The following TRIM4 variants were observed in gnomAD, a reference collection of about 807,000 sequenced individuals.
TRIM4 encodes the protein tripartite motif containing 4, also known as E3 ubiquitin-protein ligase TRIM4.
In TRIM4, 29 loss-of-function variants were observed where a neutral mutation model predicts 33.7. The observed-to-expected ratio is 0.86, with a 90% CI of 0.64 to 1.17. The LOEUF (loss-of-function observed/expected upper bound fraction) is 1.17. Among genes scored for constraint, TRIM4 ranks in the 50% most tolerant of loss-of-function variants. The pLI is 0.00. For synonymous variants in TRIM4, 224 were observed against 233.0 expected, an observed-to-expected ratio of 0.96 and a Z score of 0.35; for missense variants, 554 against 593.7, an observed-to-expected ratio of 0.93 and a Z score of 0.69.
At chr7:99,906,790 G>A (rs1819316789) in intron 3 of TRIM4, among the ~76,000 whole-genome samples, 1 of 152,058 alleles carries the variant, frequency 6.6e-6, no homozygotes, top group African/African-American at 2.4e-5. Context: ...AGGGTGCAGT[G>A]AGCTATGAGC....
At chr7:99,902,014 C>A in intron 5 of TRIM4, 1 of 698,544 alleles carries the variant, frequency 1.4e-6, no homozygotes, top group Non-Finnish European at 2.6e-6. Context: ...CTTACATGGT[C>A]TGGAAACTCC....
At chr7:99,908,397 C>A in intron 3 of TRIM4, 185 bp downstream of exon 3, 1 of 572,704 alleles carries the variant, frequency 1.7e-6, no homozygotes, top group South Asian at 2.5e-5. Context: ...CTCAGCATAC[C>A]TACATTTCAC....
At chr7:99,896,138 C>G (rs1819011662) in intron 5 of TRIM4, among the ~76,000 whole-genome samples, 1 of 152,044 alleles carries the variant, frequency 6.6e-6, no homozygotes, top group South Asian at 2.1e-4. Context: ...CACTTTATTT[C>G]CTTTTATTGA....
At chr7:99,899,771 C>T (rs886246292) in intron 5 of TRIM4, among the ~76,000 whole-genome samples, 4 of 152,066 alleles carry the variant, frequency 2.6e-5, no homozygotes, top group African/African-American at 9.7e-5. Context: ...TGTGCGCACA[C>T]GTGCATGCAT....
In TRIM4 at chr7:99,913,512, C is replaced by CA. The variant is rs921717475; in HGVS notation, c.394-3853dup. ...TGAAACCCCGTCTTTACTAAAAATA[C>CA]AAAAAAAAATTAGCCGGGCATGGTG... On this transcript the variant is annotated intron_variant, in intron 1 of 5. Transcript: ENST00000349062. Among the ~76,000 whole-genome samples, 568 of 150,252 alleles carry CA rather than the reference C, an allele frequency of 3.8e-3. 3 individuals carry two copies. Among genetic ancestry groups the CA allele is most frequent in the African/African-American group, 0.013 (544 of 40,992 alleles).
intron 5 of TRIM4, among the ~76,000 whole-genome samples, chr7:99,893,431 G>C (rs1171749142): frequency 2.0e-5 from 3 of 152,172 alleles, no homozygotes; most frequent in Non-Finnish European, 4.4e-5. Context: ...GATACACACA[G>C]GTGTCACATA....
At position 99,894,669 on chromosome 7, in the gene TRIM4, C is replaced by A. The variant is rs563783014; in HGVS notation, c.842-1923G>T. ...GCAACAGACCAAGACTCCATCCCCC[C>A]CCCAAAAAAAAAAAGAAAAGAAAAG... is the stretch of plus-strand genomic sequence containing the variant. On this transcript the variant is annotated intron_variant, in intron 5 of 5. Transcript: ENST00000349062. Among the ~76,000 whole-genome samples, 484 of 148,420 alleles carry A rather than the reference C, an allele frequency of 3.3e-3. 6 individuals carry two copies. Among genetic ancestry groups the A allele is most frequent in the Non-Finnish European group, 2.1e-3 (142 of 66,576 alleles).
chr7:99,911,240 C>G (rs915359704), intron 1 of TRIM4, among the ~76,000 whole-genome samples: 3 of 152,054 alleles, frequency 2.0e-5, no homozygotes, highest in African/African-American at 7.2e-5. Context: ...AGGATCAAGG[C>G]TAGAACTGGC....
intron 1 of TRIM4, among the ~76,000 whole-genome samples, chr7:99,911,101 T>A (rs191873639): frequency 6.6e-6 from 1 of 152,078 alleles, no homozygotes. Flanking sequence ...GACATCCAAG[T>A]GGATATGTTA....
chr7:99,917,821 G>C (rs1007729966), intron 1 of TRIM4: 6 of 985,290 alleles, frequency 6.1e-6, no homozygotes, highest in Non-Finnish European at 7.2e-6. Flanking sequence ...TCAGTAATGG[G>C]AGGGGGTGGG....
chr7:99,890,767 G>T lies in TRIM4; in HGVS notation c.*1396C>A, dbSNP rs1818876054. 1 of 152,066 alleles carries T rather than the reference G, an allele frequency of 6.6e-6. No homozygotes were observed. The highest frequency in any genetic ancestry group is 2.1e-4 in the South Asian group (1 of 4,822). 9.4% of individuals were successfully genotyped at this position (152,066 alleles called of 1,614,324 possible). The stretch of plus-strand genomic sequence containing the variant: ...GGGGTATCAAAAAAGTATCTATTGG[G>T]TACTATGCTTATTACCTGGGTAATG... On this transcript the variant is annotated 3_prime_UTR_variant, in exon 6 of 6. Transcript: ENST00000349062.
intron 1 of TRIM4, among the ~76,000 whole-genome samples, chr7:99,913,503 C>G (rs1819489299): frequency 6.6e-6 from 1 of 151,750 alleles, no homozygotes; most frequent in Non-Finnish European, 1.5e-5. Context: ...CCCGTCTTTA[C>G]TAAAAATACA....
chr7:99,898,628 TG>T (rs1563084074), intron 5 of TRIM4, among the ~76,000 whole-genome samples: 1 of 152,202 alleles, frequency 6.6e-6, no homozygotes, highest in Admixed American at 6.5e-5. Flanking sequence ...TCCAGAAGTG[TG>T]CATTCTGGAG....
chr7:99,908,493 C>A, intron 3 of TRIM4, 89 bp downstream of exon 3: 1 of 1,046,758 alleles, frequency 9.6e-7, no homozygotes, highest in Non-Finnish European at 1.4e-6. Context: ...GTCTATGAAA[C>A]CCACTCACCA....
At chr7:99,918,879 T>C (rs1363592372) in intron 1 of TRIM4, 130 bp downstream of exon 1, 2 of 1,218,650 alleles carry the variant, frequency 1.6e-6, no homozygotes, top group Non-Finnish European at 1.1e-6. Flanking sequence ...CTTAACTTCT[T>C]TGAGTTTCAG....
rs201814883 is a variant in TRIM4, at chr7:99,892,273, C to T, written c.1315G>A (p.Gly439Arg). ...CAAGAAAAGGTGTGCAGGTGCACTCCGTCCACAGCGCTGTAGAAGGAGACA... is the reference window on the plus strand; with the variant it reads ...CAAGAAAAGGTGTGCAGGTGCACTCTGTCCACAGCGCTGTAGAAGGAGACA... ...GNVSFYSAVD[G>R]VHLHTFSCSS... Residue 439 changes from glycine to arginine, a missense_variant, in exon 6 of 6, where the codon GGA becomes AGA. Around this residue, in one of 3 missense-constraint regions of TRIM4, gnomAD observed 290 missense variants for 335.8 expected, o/e 0.86. Transcript: ENST00000349062. 8.9e-5 allele frequency: 143 copies of T among 1,614,042 alleles called. No homozygotes were observed. Among genetic ancestry groups the T allele is most frequent in the Non-Finnish European group, 1.1e-4 (133 of 1,180,032 alleles).
intron 5 of TRIM4, among the ~76,000 whole-genome samples, chr7:99,896,531 TAA>T (rs1819020027): frequency 6.6e-6 from 1 of 152,204 alleles, no homozygotes; most frequent in Non-Finnish European, 1.5e-5. Flanking sequence ...ACCCAGCATA[TAA>T]GTCCTCAATA....
chr7:99,902,974 G>C (rs41280953), intron 5 of TRIM4, among the ~76,000 whole-genome samples: 1 of 151,954 alleles, frequency 6.6e-6, no homozygotes, highest in Admixed American at 6.6e-5. Flanking sequence ...CTGTGTGTCT[G>C]TCTCTCCAAT....
At chr7:99,894,302 A>G (rs933979713) in intron 5 of TRIM4, among the ~76,000 whole-genome samples, 1 of 152,196 alleles carries the variant, frequency 6.6e-6, no homozygotes, top group African/African-American at 2.4e-5. Context: ...CCTCTTCATC[A>G]ATTTTCAATA....
Sources: allele counts gnomAD v4.1 joint callset (sites outside exome capture counted in the v4.1 genomes callset), GRCh38; gene constraint gnomAD v4.1.1; regional missense constraint gnomAD v4.1.1; transcripts MANE v1.5; gene names NCBI Gene and HGNC (gene_info 2026-07-23, HGNC 2026-07-21).